Variants in BUD23 observed in about 807,000 individuals in gnomAD.
The protein encoded by BUD23 is BUD23 rRNA methyltransferase and ribosome maturation factor.
In BUD23, 34 loss-of-function variants were observed where a neutral mutation model predicts 47.0. The observed-to-expected ratio is 0.72, with a 90% CI of 0.55 to 0.96. The LOEUF is 0.96. Among genes scored for constraint, BUD23 ranks in the 40% least tolerant of loss-of-function variants. BUD23 has a pLI of 0.00. For synonymous variants in BUD23, 124 were observed against 132.0 expected (o/e 0.94, Z 0.41); for missense variants, 343 against 361.2 (o/e 0.95, Z 0.41).
intron 5 of BUD23, among the ~76,000 whole-genome samples, chr7:73,689,894 A>G (rs1798124066): frequency 6.6e-6 from 1 of 152,054 alleles, no homozygotes; most frequent in Non-Finnish European, 1.5e-5. Context: ...GGTGCGGGGA[A>G]GTGAAAGTTG....
intron 10 of BUD23, chr7:73,696,978 T>C (rs1038546550): frequency 5.4e-6 from 1 of 183,996 alleles, no homozygotes; most frequent in South Asian, 1.1e-4. Flanking sequence ...TGTAGAATCT[T>C]GAGATGACTC....
intron 9 of BUD23, 101 bp downstream of exon 9, chr7:73,693,770 G>T: frequency 6.6e-7 from 1 of 1,521,052 alleles, no homozygotes; most frequent in African/African-American, 1.4e-5. Context: ...TGGGGAAGCA[G>T]GGCCCAGCCC....
intron 5 of BUD23, 33 bp from the exon 6 acceptor site, chr7:73,690,883 C>T (rs782263262): frequency 3.8e-6 from 6 of 1,587,970 alleles, no homozygotes; most frequent in Non-Finnish European, 5.2e-6. Flanking sequence ...ACGTGGATTG[C>T]TCCGTTGCCT....
intron 7 of BUD23, 36 bp downstream of exon 7, chr7:73,692,682 G>A (rs1554614243): frequency 6.3e-6 from 10 of 1,599,898 alleles, no homozygotes; most frequent in Admixed American, 1.7e-5. Flanking sequence ...CCGGGGAGTT[G>A]GGGGACTCAA....
intron 10 of BUD23, chr7:73,697,156 T>C (rs1009441177): frequency 1.2e-5 from 5 of 429,570 alleles, no homozygotes; most frequent in Non-Finnish European, 2.1e-5. Flanking sequence ...CTCATACCCC[T>C]CAGTCCTTCC....
Position 73,686,696 on chromosome 7 carries a change from G to T in BUD23, c.147G>T (p.Leu49=). Reference sequence around the variant, plus strand: ...GGCGAGCATTGGAGCTTCTTTATCTGCCAGAGAATAAGCCCTGTTACCTGC... The same window carrying T: ...GGCGAGCATTGGAGCTTCTTTATCTTCCAGAGAATAAGCCCTGTTACCTGC... ...MAGRALELLY[L]PENKPCYLLD... Residue 49 remains leucine, a synonymous_variant, in exon 3 of 12, where the codon CTG becomes CTT. Transcript: ENST00000265758. The T allele has an allele frequency of 1.2e-6, 2 of 1,614,038 alleles. No individual in the cohort carries two copies. Among genetic ancestry groups the T allele is most frequent in the South Asian group, 1.1e-5 (1 of 91,058 alleles).
At chr7:73,684,617 AGG>A (rs35734688) in intron 2 of BUD23, among the ~76,000 whole-genome samples, 1 of 86,580 alleles carries the variant, frequency 1.2e-5, no homozygotes, top group Non-Finnish European at 2.2e-5. Context: ...AAAAAAAAAA[AGG>A]GGGGGGGATG....
Position 73,683,634 on chromosome 7 carries a change from C to A in BUD23, c.9C>A (p.Ser3=), listed in dbSNP as rs782352354. 6.2e-7 allele frequency: 1 copy of A among 1,610,798 alleles called. No individual in the cohort carries two copies. The highest frequency in any genetic ancestry group is 8.5e-7 in the Non-Finnish European group (1 of 1,178,946). Residue 3 remains serine, a synonymous_variant, in exon 1 of 12, where the codon TCC becomes TCA. Coordinates refer to ENST00000265758, the MANE Select transcript of BUD23 (RefSeq NM_017528.5). MA[S]RGRRPEHGGP... ...GCTGCTGAGGCGTGAGAATGGCGTC[C>A]CGCGGCCGGCGTCCGGAGCATGGCG... is the stretch of plus-strand genomic sequence containing the variant.
chr7:73,697,795 T>C lies in BUD23; in HGVS notation c.792-37T>C, dbSNP rs369595437. The C allele has an allele frequency of 8.1e-6, 13 of 1,611,886 alleles. No individual in the cohort carries two copies. The African/African-American group carries it at 1.5e-4, about 18-fold the overall frequency. On this transcript the variant is annotated intron_variant, in intron 11 of 11. Coordinates refer to ENST00000265758, the MANE Select transcript of BUD23 (RefSeq NM_017528.5). Reference sequence around the variant, plus strand: ...GAAGGGTCCAGGGCTGCTTTGATCTTTTTTTTCTGAGACTGTCCTATTCCT... The same window carrying C: ...GAAGGGTCCAGGGCTGCTTTGATCTCTTTTTTCTGAGACTGTCCTATTCCT...
intron 8 of BUD23, 66 bp from the exon 9 acceptor site, chr7:73,693,558 G>A (rs568627850): frequency 6.2e-7 from 1 of 1,607,668 alleles, no homozygotes; most frequent in East Asian, 2.2e-5. Context: ...GGGTGGGGGA[G>A]CTGAGGGCTT....
At chr7:73,695,701 CT>C (rs1351734120) in intron 10 of BUD23, 2 of 152,400 alleles carry the variant, frequency 1.3e-5, no homozygotes, top group East Asian at 3.8e-4. Flanking sequence ...AGCACTGCCC[CT>C]AGCCTGGATT....
At chr7:73,697,273 G>A (rs1246866498) in intron 10 of BUD23, 2 of 620,358 alleles carry the variant, frequency 3.2e-6, no homozygotes, top group Non-Finnish European at 5.7e-6. Flanking sequence ...GTGATGATGT[G>A]TCATTGCATT....
intron 7 of BUD23, 196 bp from the exon 8 acceptor site, chr7:73,693,133 C>T: frequency 1.6e-6 from 1 of 610,458 alleles, no homozygotes; most frequent in Non-Finnish European, 3.0e-6. Context: ...TTGCTTTGTT[C>T]TGTAATTCTC....
intron 7 of BUD23, chr7:73,693,027 A>G (rs575274717): frequency 3.6e-6 from 2 of 552,140 alleles, no homozygotes; most frequent in Non-Finnish European, 3.3e-6. Context: ...GTTCCTGACT[A>G]ATAACATGAA....
chr7:73,692,676 G>A, intron 7 of BUD23, 30 bp downstream of exon 7: 1 of 1,604,668 alleles, frequency 6.2e-7, no homozygotes, highest in South Asian at 1.1e-5. Flanking sequence ...GGTGTGCCGG[G>A]GAGTTGGGGG....
chr7:73,691,021 A>T lies in BUD23; in HGVS notation c.459+9A>T, dbSNP rs1554613955. 6.2e-7 allele frequency: 1 copy of T among 1,613,110 alleles called. No homozygotes were observed. On this transcript the variant is annotated intron_variant, in intron 6 of 11. Transcript: ENST00000265758. ...CTCTTTTTTCTGTTCTCGTGAGTAT[A>T]AGATCTTCTCCCCATCTGGGTTAGC...
At chr7:73,687,129 A>G in intron 5 of BUD23, 34 bp downstream of exon 5, 2 of 1,605,710 alleles carry the variant, frequency 1.2e-6, no homozygotes, top group Non-Finnish European at 1.7e-6. Flanking sequence ...TTATTTATTT[A>G]GAGACAGGGT....
At chr7:73,689,800 G>A (rs1438069036) in intron 5 of BUD23, among the ~76,000 whole-genome samples, 1 of 152,192 alleles carries the variant, frequency 6.6e-6, no homozygotes, top group Non-Finnish European at 1.5e-5. Flanking sequence ...GACGGGATCA[G>A]ATGTGTGTTT....
intron 2 of BUD23, among the ~76,000 whole-genome samples, chr7:73,684,923 C>CAA (rs56229090): frequency 0.01 from 506 of 49,140 alleles, 100 homozygotes; most frequent in African/African-American, 0.037. Context: ...GACTTTGTTT[C>CAA]AAAAAAAAAA....
Sources: gnomAD v4.1 joint callset for allele counts (sites outside exome capture counted in the v4.1 genomes callset) on GRCh38, gnomAD v4.1.1 for gene constraint, MANE v1.5 for transcripts, NCBI Gene and HGNC (gene_info 2026-07-23, HGNC 2026-07-21) for gene names.